CCL17: variants seen among roughly 807,000 people sequenced by gnomAD.
CCL17 encodes the protein C-C motif chemokine ligand 17.
In CCL17, 8 loss-of-function variants were observed where a neutral mutation model predicts 7.4. The ratio of observed to expected loss-of-function variants is 1.09; its 90% CI spans 0.64 to 1.96. The LOEUF (loss-of-function observed/expected upper bound fraction) is 1.96, where lower values mean the gene tolerates loss of function less well. CCL17 is among the 30% of genes most tolerant of loss of function. The pLI is 0.00. For missense variants in CCL17, 102 were observed against 113.0 expected, an observed-to-expected ratio of 0.90 and a Z score of 0.44; for synonymous variants, 40 against 46.1, an observed-to-expected ratio of 0.87 and a Z score of 0.54.
At chr16:57,411,615 G>C (rs1461743185) in intron 1 of CCL17, among the ~76,000 whole-genome samples, 1 of 152,226 alleles carries the variant, frequency 6.6e-6, no homozygotes, top group East Asian at 1.9e-4. Context: ...GCAATTGGTG[G>C]CCTCTGCGGC....
At chr16:57,410,016 T>G (rs1205076206) in intron 1 of CCL17, among the ~76,000 whole-genome samples, 1 of 152,126 alleles carries the variant, frequency 6.6e-6, no homozygotes, top group Non-Finnish European at 1.5e-5. Flanking sequence ...GAGCCTCAGG[T>G]GACACTGGTG....
chr16:57,413,781 T>C lies in CCL17; in HGVS notation c.-59-93T>C, dbSNP rs1451656924. ...TCATCTCAAATTCTTCGAACTTCAC[T>C]GGTCTAGGGAAGGATGTGAGGAGGT... is the stretch of plus-strand genomic sequence containing the variant. On this transcript the variant is annotated intron_variant, in intron 1 of 3. Transcript: ENST00000219244. 2.2e-5 allele frequency: 12 copies of C among 545,374 alleles called. No individual in the cohort carries two copies. The South Asian group carries it at 2.9e-4, about 13-fold the overall frequency. 33.8% of individuals were successfully genotyped at this position (545,374 alleles called of 1,614,324 possible).
chr16:57,397,591 A>C, the CCL17 span, among the ~76,000 whole-genome samples: 1 of 152,094 alleles, frequency 6.6e-6, no homozygotes, highest in Non-Finnish European at 1.5e-5. Context: ...GCAGTGTAAG[A>C]CTGCCACTTC....
chr16:57,411,280 G>A (rs1278505040), intron 1 of CCL17, among the ~76,000 whole-genome samples: 3 of 152,116 alleles, frequency 2.0e-5, no homozygotes, highest in African/African-American at 4.8e-5. Flanking sequence ...CAGCAGGGTC[G>A]GGCCTCTGTC....
At chr16:57,404,230 G>C (rs1387442919), upstream of CCL17, among the ~76,000 whole-genome samples, 1 of 152,164 alleles carries the variant, frequency 6.6e-6, no homozygotes, top group African/African-American at 2.4e-5. Context: ...GAGCCACGGG[G>C]ACGTTCTGAA....
upstream of CCL17, among the ~76,000 whole-genome samples, chr16:57,400,599 G>A (rs1001489939): frequency 3.3e-5 from 5 of 152,168 alleles, no homozygotes; most frequent in African/African-American, 1.2e-4. Context: ...CCAAAGAACA[G>A]TGTATGGGAG....
chr16:57,409,563 A>G (rs1048931577), intron 1 of CCL17, among the ~76,000 whole-genome samples: 8 of 152,272 alleles, frequency 5.3e-5, no homozygotes, highest in Middle Eastern at 3.4e-3. Context: ...GAAGGCCTGG[A>G]AGCTGGGGCA....
intron 1 of CCL17, among the ~76,000 whole-genome samples, 151 bp downstream of exon 1, chr16:57,404,987 A>G (rs1189490415): frequency 6.6e-6 from 1 of 152,222 alleles, no homozygotes; most frequent in Admixed American, 6.5e-5. Context: ...GTTTGGAAGC[A>G]GCAAACCAAG....
chr16:57,410,739 C>T (rs1315698987), intron 1 of CCL17, among the ~76,000 whole-genome samples: 2 of 152,170 alleles, frequency 1.3e-5, no homozygotes, highest in Non-Finnish European at 2.9e-5. Context: ...GAGGAAACCA[C>T]CTCAAAAATG....
In CCL17 at chr16:57,415,764, G is replaced by A. The variant is rs1567565097; in HGVS notation, c.189-1G>A. On this transcript the variant is annotated splice_acceptor_variant, in intron 3 of 3. Transcript: ENST00000219244. LOFTEE classifies it high-confidence loss of function. The surrounding 1 kb of genome is among the most constrained non-coding windows in gnomAD (Gnocchi z 4.5). The stretch of plus-strand genomic sequence containing the variant: ...CCTGGTAACGTCCTCCTTCTGTGTA[G>A]TTTTGTAACTGTGCAGGGCAGGGCC... The A allele has an allele frequency of 6.2e-7, 1 of 1,606,740 alleles. No individual in the cohort carries two copies. Among genetic ancestry groups the A allele is most frequent in the Non-Finnish European group, 8.5e-7 (1 of 1,173,266 alleles).
upstream of CCL17, among the ~76,000 whole-genome samples, chr16:57,402,219 G>A (rs1324057056): frequency 6.6e-6 from 1 of 152,196 alleles, no homozygotes; most frequent in Non-Finnish European, 1.5e-5. Context: ...CTCCCCTGGG[G>A]AGAGCCATGA....
upstream of CCL17, among the ~76,000 whole-genome samples, chr16:57,401,552 T>C (rs550888287): frequency 1.9e-4 from 28 of 149,354 alleles, no homozygotes; most frequent in Middle Eastern, 3.5e-3. Context: ...AAAAAAGAAA[T>C]GTGCATGAAC....
At chr16:57,403,484 A>T (rs1352147594), upstream of CCL17, among the ~76,000 whole-genome samples, 85 of 1,970 alleles carry the variant, frequency 0.043, 19 homozygotes, top group South Asian at 0.075. Context: ...TATATTATAT[A>T]ATAATATATA....
At chr16:57,401,658 T>C (rs1902593516), upstream of CCL17, among the ~76,000 whole-genome samples, 1 of 152,146 alleles carries the variant, frequency 6.6e-6, no homozygotes, top group African/African-American at 2.4e-5. Flanking sequence ...GTTCCTCTAG[T>C]GCATAGAGGC....
At chr16:57,400,837 C>T (rs1393019347), upstream of CCL17, among the ~76,000 whole-genome samples, 4 of 151,922 alleles carry the variant, frequency 2.6e-5, no homozygotes, top group East Asian at 3.9e-4. Context: ...TGCTTGGTGG[C>T]GTGTGCCTGT....
chr16:57,413,729 C>T (rs1902821728), intron 1 of CCL17, 145 bp from the exon 2 acceptor site: 2 of 475,654 alleles, frequency 4.2e-6, no homozygotes, highest in Non-Finnish European at 7.7e-6. Context: ...AATCCACAAA[C>T]ATTCCAAGAG....
chr16:57,407,268 A>G (rs772449509), intron 1 of CCL17, among the ~76,000 whole-genome samples: 7 of 152,172 alleles, frequency 4.6e-5, no homozygotes, highest in Non-Finnish European at 1.0e-4. Flanking sequence ...TGGGATGAAT[A>G]AAGGTTGAGA....
At chr16:57,396,823 AG>A in the CCL17 span, among the ~76,000 whole-genome samples, 2 of 152,206 alleles carry the variant, frequency 1.3e-5, no homozygotes, top group Non-Finnish European at 2.9e-5. Flanking sequence ...TCCTGATAAC[AG>A]GTTGCATTGG....
chr16:57,400,883 C>T (rs1451427053), upstream of CCL17, among the ~76,000 whole-genome samples: 1 of 151,898 alleles, frequency 6.6e-6, no homozygotes, highest in Non-Finnish European at 1.5e-5. Context: ...GAAGGGGAAT[C>T]ACTTGATCCT....
Sources: allele counts gnomAD v4.1 joint callset (sites outside exome capture counted in the v4.1 genomes callset), GRCh38; gene constraint gnomAD v4.1.1; non-coding constraint Gnocchi (gnomAD v3.1); transcripts MANE v1.5; gene names NCBI Gene and HGNC (gene_info 2026-07-23, HGNC 2026-07-21).